TTBK2: variants seen among roughly 807,000 people sequenced by gnomAD.
The protein encoded by TTBK2 is tau-tubulin kinase 2.
TTBK2 carries 28 observed loss-of-function variants against 110.8 expected under a neutral mutation model. The observed-to-expected ratio is 0.25, with a 90% CI of 0.19 to 0.35. TTBK2 has a LOEUF of 0.35. Among genes scored for constraint, TTBK2 ranks in the 10% least tolerant of loss-of-function variants. The probability of loss-of-function intolerance (pLI) is 1.00; values close to 1 mark genes in which losing one functional copy is unlikely to be tolerated. For synonymous variants in TTBK2, 532 were observed against 527.3 expected (o/e 1.01, Z -0.12); for missense variants, 1,369 against 1,500.3 (o/e 0.91, Z 1.45).
At chr15:42,782,994 A>T (rs1228989806) in intron 11 of TTBK2, among the ~76,000 whole-genome samples, 1 of 152,110 alleles carries the variant, frequency 6.6e-6, no homozygotes, top group Non-Finnish European at 1.5e-5. Context: ...CTCATTCCTG[A>T]TTACTATTCA....
intron 3 of TTBK2, among the ~76,000 whole-genome samples, chr15:42,845,923 G>A (rs186809842): frequency 3.9e-5 from 6 of 151,986 alleles, no homozygotes; most frequent in African/African-American, 9.6e-5. Flanking sequence ...ATACCACAAC[G>A]GTTAAGTATT....
intron 10 of TTBK2, among the ~76,000 whole-genome samples, chr15:42,784,481 T>C (rs2140815464): frequency 6.6e-6 from 1 of 152,284 alleles, no homozygotes; most frequent in East Asian, 1.9e-4. Flanking sequence ...TTTCGCCATG[T>C]TGGGCAGGGT....
intron 13 of TTBK2, among the ~76,000 whole-genome samples, chr15:42,759,649 A>G (rs1296751150): frequency 6.6e-6 from 1 of 152,242 alleles, no homozygotes; most frequent in Non-Finnish European, 1.5e-5. Flanking sequence ...AGACACTTGC[A>G]AACATCACCA....
Position 42,763,084 on chromosome 15 carries a change from T to TATA in TTBK2, c.1999-9838_1999-9837insTAT, listed in dbSNP as rs1567008356. Among the ~76,000 whole-genome samples the TATA allele has an allele frequency of 2.2e-3, 235 of 108,742 alleles. 8 individuals are homozygous for TATA. The highest frequency in any genetic ancestry group is 9.3e-3 in the African/African-American group (209 of 22,548). The allele number at this position is 108,742 out of a possible 152,430, so 71.3% of individuals were successfully genotyped here. A position where few individuals can be genotyped will look rare whatever the true frequency, so the allele number is the denominator to read the frequency against. ...TATAGGATGATTACAGTTAACAATT[T>TATA]TATATATATATATATATACGTATAT... On this transcript the variant is annotated intron_variant, in intron 13 of 14. Transcript: ENST00000267890.
intron 12 of TTBK2, 92 bp downstream of exon 12, chr15:42,776,939 T>C: frequency 3.6e-6 from 5 of 1,375,302 alleles, no homozygotes; most frequent in Non-Finnish European, 4.1e-6. Flanking sequence ...AAAGACTTTA[T>C]GTAACAGAAA....
chr15:42,847,214 C>A (rs1309326608), intron 3 of TTBK2, among the ~76,000 whole-genome samples: 1 of 152,144 alleles, frequency 6.6e-6, no homozygotes, highest in Non-Finnish European at 1.5e-5. Flanking sequence ...TTTTCATGAA[C>A]TGATTTAACA....
At chr15:42,787,642 AACATAAGTATCATCAGTAATGAG>A (rs1469668498) in intron 10 of TTBK2, among the ~76,000 whole-genome samples, 1 of 152,248 alleles carries the variant, frequency 6.6e-6, no homozygotes, top group African/African-American at 2.4e-5. Flanking sequence ...CCAAATTGTC[AACATAAGTATCATCAGTAATGAG>A]ACATACTGAC....
At chr15:42,872,578 A>C in intron 3 of TTBK2, 33 bp downstream of exon 3, 1 of 1,608,926 alleles carries the variant, frequency 6.2e-7, no homozygotes, top group Non-Finnish European at 8.5e-7. Context: ...TTAACATACA[A>C]ATCATAAATT....
intron 13 of TTBK2, among the ~76,000 whole-genome samples, chr15:42,768,964 A>G (rs1889525406): frequency 6.6e-6 from 1 of 152,180 alleles, no homozygotes; most frequent in South Asian, 2.1e-4. Flanking sequence ...CCACACATCT[A>G]CAACCATCTG....
At chr15:42,840,536 ACAT>A in intron 3 of TTBK2, 103 bp from the exon 4 acceptor site, 1 of 1,024,302 alleles carries the variant, frequency 9.8e-7, no homozygotes, top group Non-Finnish European at 1.5e-6. Flanking sequence ...AATATAAAAT[ACAT>A]CTTGAGAACC....
At chr15:42,864,287 T>G (rs2141090840) in intron 3 of TTBK2, among the ~76,000 whole-genome samples, 1 of 152,242 alleles carries the variant, frequency 6.6e-6, no homozygotes, top group Non-Finnish European at 1.5e-5. Flanking sequence ...AGTGAAATAT[T>G]AAAGTGTTCA....
intron 7 of TTBK2, 141 bp from the exon 8 acceptor site, chr15:42,811,921 TATATATATATA>T: frequency 1.4e-5 from 7 of 485,984 alleles, no homozygotes; most frequent in Non-Finnish European, 2.1e-5. Context: ...GATAAACATA[TATATATATATA>T]AATTTACATA....
At chr15:42,756,938 T>C (rs889620854) in intron 13 of TTBK2, among the ~76,000 whole-genome samples, 1 of 152,048 alleles carries the variant, frequency 6.6e-6, no homozygotes, top group Non-Finnish European at 1.5e-5. Context: ...AATCACCAGA[T>C]GGGAGAATTT....
At chr15:42,862,950 G>A (rs535923597) in intron 3 of TTBK2, among the ~76,000 whole-genome samples, 1 of 152,102 alleles carries the variant, frequency 6.6e-6, no homozygotes, top group East Asian at 1.9e-4. Context: ...CAAACCCACA[G>A]CCAACATCAT....
At position 42,746,187 on chromosome 15, in the gene TTBK2, G is replaced by C; in HGVS notation, c.3343C>G (p.Leu1115Val). The C allele has an allele frequency of 6.2e-7, 1 of 1,614,174 alleles. No individual in the cohort carries two copies. Among genetic ancestry groups the C allele is most frequent in the Non-Finnish European group, 8.5e-7 (1 of 1,180,040 alleles). Residue 1115 changes from leucine to valine, a missense_variant, in exon 15 of 15, where the codon CTT (leucine) becomes GTT (valine). By Grantham distance (32) the Leu-to-Val change is conservative. Coordinates refer to ENST00000267890, the MANE Select transcript of TTBK2 (RefSeq NM_173500.4). ...CGGGGTTTCTGAGATCCATTTTGAA[G>C]AATTTGGGCCAGGCGGGAGAAAAGG... The part of the protein sequence containing the change: ...SDLFSRLAQI[L>V]QNGSQKPRST...
intron 14 of TTBK2, among the ~76,000 whole-genome samples, chr15:42,750,693 T>C (rs750428093): frequency 1.3e-4 from 19 of 149,058 alleles, no homozygotes; most frequent in Middle Eastern, 3.4e-3. Context: ...AGAGAATACT[T>C]AAAAAAAAGA....
intron 1 of TTBK2, among the ~76,000 whole-genome samples, chr15:42,888,860 A>G (rs1895344611): frequency 6.6e-6 from 1 of 152,178 alleles, no homozygotes; most frequent in Non-Finnish European, 1.5e-5. Flanking sequence ...AGAAGCAGCT[A>G]GCATTCCAAC....
At chr15:42,794,517 G>C in intron 10 of TTBK2, 127 bp downstream of exon 10, 4 of 1,293,988 alleles carry the variant, frequency 3.1e-6, no homozygotes, top group Middle Eastern at 4.5e-4. Flanking sequence ...ATGTTAATTC[G>C]AGGAGATCCA....
At chr15:42,800,755 T>C (rs1021018845) in intron 9 of TTBK2, among the ~76,000 whole-genome samples, 1 of 151,084 alleles carries the variant, frequency 6.6e-6, no homozygotes, top group African/African-American at 2.4e-5. Flanking sequence ...CCGAGGTTTA[T>C]TTTGGGAAAA....
Sources: allele counts gnomAD v4.1 joint callset (sites outside exome capture counted in the v4.1 genomes callset), GRCh38; gene constraint gnomAD v4.1.1; transcripts MANE v1.5; gene names NCBI Gene and HGNC (gene_info 2026-07-23, HGNC 2026-07-21).